SETX: variants seen among roughly 807,000 people sequenced by gnomAD.
The protein encoded by SETX is helicase senataxin.
Under a neutral mutation model 227.2 loss-of-function variants are expected in SETX, and 90 were observed. The ratio of observed to expected loss-of-function variants is 0.40; its 90% CI spans 0.33 to 0.47. SETX has a LOEUF of 0.47. Ranked by LOEUF, SETX falls within the 20% of genes least tolerant of loss-of-function variation. SETX has a pLI of 0.91. For synonymous variants in SETX, 1,210 were observed against 1,113.2 expected (o/e 1.09, Z -1.73); for missense variants, 3,052 against 3,181.5 (o/e 0.96, Z 0.98).
At chr9:132,289,696 C>T (rs975005087) in intron 15 of SETX, among the ~76,000 whole-genome samples, 7 of 152,172 alleles carry the variant, frequency 4.6e-5, no homozygotes, top group Non-Finnish European at 1.0e-4. Flanking sequence ...GCTTTTAAAA[C>T]TATGTTCCAC....
intron 5 of SETX, among the ~76,000 whole-genome samples, chr9:132,336,902 A>G (rs1199069049): frequency 2.6e-5 from 4 of 152,104 alleles, no homozygotes; most frequent in Non-Finnish European, 2.9e-5. Context: ...TGTCTCTACT[A>G]AAAATACAAA....
At chr9:132,355,884 G>C (rs1056421701), upstream of SETX, among the ~76,000 whole-genome samples, 1 of 151,700 alleles carries the variant, frequency 6.6e-6, no homozygotes, top group Non-Finnish European at 1.5e-5. Flanking sequence ...CTACTCAGGA[G>C]GCTGAGGCAT....
At chr9:132,320,593 C>CAA (rs141457619) in intron 10 of SETX, among the ~76,000 whole-genome samples, 6 of 61,056 alleles carry the variant, frequency 9.8e-5, no homozygotes, top group African/African-American at 1.4e-4. Flanking sequence ...GACTCCAACT[C>CAA]AAAAAAAAAA....
Position 132,336,382 on chromosome 9 carries a change from T to C in SETX, c.632A>G (p.Tyr211Cys), listed in dbSNP as rs534870011. The C allele has an allele frequency of 1.2e-6, 2 of 1,614,126 alleles. No individual in the cohort carries two copies. The highest frequency in any genetic ancestry group is 1.7e-6 in the Non-Finnish European group (2 of 1,179,984). Residue 211 changes from tyrosine to cysteine, a missense_variant, in exon 6 of 26, where the codon TAT (tyrosine) becomes TGT (cysteine). By Grantham distance (194) the Tyr-to-Cys change is radical (BLOSUM62 -2). Coordinates refer to ENST00000224140, the MANE Select transcript of SETX (RefSeq NM_015046.7). ...ACCCTTCTCTAGGACAGAAGAAGTA[T>C]AAATGTCTGGACTCTCTAAAAGCCC... ...ELGLLESPDI[Y>C]TSSVLEKGKL...
At chr9:132,331,243 A>T in intron 8 of SETX, 34 bp downstream of exon 8, 1 of 1,613,098 alleles carries the variant, frequency 6.2e-7, no homozygotes, top group Non-Finnish European at 8.5e-7. Context: ...TCTTATAGAG[A>T]TGATGTTTAA....
In SETX at chr9:132,336,307, C is replaced by CT; in HGVS notation, c.706dup (p.Ser236LysfsTer14). ...GGAATAATACTCACCTAACCAATAG[C>CT]TTTTGTAGTTGGTAGTATCATACAT... On this transcript the variant is annotated frameshift_variant, in exon 6 of 26. Transcript: ENST00000224140. LOFTEE classifies it high-confidence loss of function. The CT allele has an allele frequency of 6.2e-7, 1 of 1,612,116 alleles. No homozygotes were observed. The highest frequency in any genetic ancestry group is 8.5e-7 in the Non-Finnish European group (1 of 1,178,208).
intron 17 of SETX, among the ~76,000 whole-genome samples, chr9:132,287,567 T>A (rs1220817253): frequency 2.6e-5 from 4 of 152,156 alleles, no homozygotes; most frequent in Admixed American, 6.5e-5. Flanking sequence ...CATCCATTTG[T>A]TTATGTATTA....
intron 10 of SETX, among the ~76,000 whole-genome samples, chr9:132,323,364 A>T (rs964009331): frequency 6.6e-6 from 1 of 152,182 alleles, no homozygotes; most frequent in African/African-American, 2.4e-5. Context: ...GAAAACACAG[A>T]GTTTGGAAGG....
intron 9 of SETX, 37 bp from the exon 10 acceptor site, chr9:132,330,536 G>T (rs780210222): frequency 6.3e-7 from 1 of 1,576,840 alleles, no homozygotes. Context: ...AGATAAATAA[G>T]CACCACTTAT....
chr9:132,307,742 G>C (rs1481163571), intron 11 of SETX, among the ~76,000 whole-genome samples: 1 of 149,014 alleles, frequency 6.7e-6, no homozygotes, highest in African/African-American at 2.5e-5. Flanking sequence ...GCAGTGGCAC[G>C]ATCTCGGCTC....
Position 132,269,619 on chromosome 9 carries a change from A to G in SETX, c.7283T>C (p.Leu2428Pro). ...SLFILGHLRT[L>P]MENQHWNQLI... is the part of the protein sequence containing the mutation. ...TCTGAGCTCTCTGGTACCTACCATC[A>G]GGGTCCTCAAATGTCCGAGGATGAA... The change falls in exon 25 of 26, where the codon CTG (leucine) becomes CCG (proline). Residue 2428 changes from leucine (L) to proline (P), a missense_variant. Transcript: ENST00000224140. 1 of 1,614,114 alleles carries G rather than the reference A, an allele frequency of 6.2e-7. No homozygotes were observed. Among genetic ancestry groups the G allele is most frequent in the African/African-American group, 1.3e-5 (1 of 75,072 alleles).
At chr9:132,321,328 T>A (rs576588467) in intron 10 of SETX, among the ~76,000 whole-genome samples, 8 of 152,150 alleles carry the variant, frequency 5.3e-5, no homozygotes, top group African/African-American at 1.9e-4. Flanking sequence ...GAGACCAGCC[T>A]GACCAATATG....
intron 19 of SETX, 176 bp downstream of exon 19, chr9:132,283,088 C>T: frequency 1.3e-6 from 1 of 783,994 alleles, no homozygotes; most frequent in Non-Finnish European, 2.0e-6. Context: ...TCCACTTTCA[C>T]TATGGAGGGT....
At chr9:132,343,955 C>G (rs1256659820) in intron 4 of SETX, among the ~76,000 whole-genome samples, 1 of 151,932 alleles carries the variant, frequency 6.6e-6, no homozygotes, top group Non-Finnish European at 1.5e-5. Context: ...AAGTCAAACT[C>G]ATGGCCAAAA....
chr9:132,288,979 T>C (rs922429381), intron 15 of SETX, among the ~76,000 whole-genome samples: 10 of 152,088 alleles, frequency 6.6e-5, no homozygotes, highest in Non-Finnish European at 1.0e-4. Context: ...CATAGCAAAA[T>C]AGTTTCAAGA....
chr9:132,305,663 C>T (rs947993710), intron 11 of SETX, among the ~76,000 whole-genome samples: 26 of 152,042 alleles, frequency 1.7e-4, no homozygotes, highest in Non-Finnish European at 2.9e-5. Context: ...ATCAGAGAAA[C>T]CAAAATGGAG....
Position 132,335,238 on chromosome 9 carries a change from A to C in SETX, c.719-511T>G, listed in dbSNP as rs559261703. 2.0e-5 allele frequency among the ~76,000 whole-genome samples: 3 copies of C among 151,620 alleles called. No homozygotes were observed. In the East Asian group the frequency reaches 5.9e-4, roughly 30 times the overall value. On this transcript the variant is annotated intron_variant, in intron 6 of 25. Transcript: ENST00000224140. ...ACCCCGTCTCTACTAAAAATACAAAAAAATTAGCCAGGCGTGGTGGCAGGC... is the reference window on the plus strand; with the variant it reads ...ACCCCGTCTCTACTAAAAATACAAACAAATTAGCCAGGCGTGGTGGCAGGC...
intron 4 of SETX, among the ~76,000 whole-genome samples, chr9:132,344,869 TAAAA>T (rs10612492): frequency 3.0e-4 from 42 of 139,290 alleles, no homozygotes; most frequent in Admixed American, 5.0e-4. Flanking sequence ...TGAGACTCTT[TAAAA>T]AAAAAAAAAA....
intron 25 of SETX, chr9:132,266,020 A>C (rs1410166344): frequency 1.3e-5 from 2 of 151,982 alleles, no homozygotes; most frequent in African/African-American, 4.8e-5. Flanking sequence ...AAACACATGC[A>C]CCTCTCCTCT....
Sources: gnomAD v4.1 joint callset for allele counts (sites outside exome capture counted in the v4.1 genomes callset) on GRCh38, gnomAD v4.1.1 for gene constraint, MANE v1.5 for transcripts, NCBI Gene and HGNC (gene_info 2026-07-23, HGNC 2026-07-21) for gene names.